SRGN: variants seen among roughly 807,000 people sequenced by gnomAD.
The protein encoded by SRGN is serglycin.
In SRGN, 2 loss-of-function variants were observed where a neutral mutation model predicts 9.5. That is an observed-to-expected ratio of 0.21 (90% confidence interval 0.09 to 0.66). The LOEUF (loss-of-function observed/expected upper bound fraction) is 0.66. Ranked by LOEUF, SRGN falls within the 30% of genes least tolerant of loss-of-function variation. SRGN has a pLI of 0.83. For synonymous variants in SRGN, 59 were observed against 72.3 expected (o/e 0.82, Z 0.93); for missense variants, 170 against 192.4 (o/e 0.88, Z 0.69).
chr10:69,091,035 C>T (rs17558195), intron 1 of SRGN, among the ~76,000 whole-genome samples: 28,672 of 152,190 alleles, frequency 0.19, 3,322 homozygotes, highest in Non-Finnish European at 0.25. Context: ...TGATCCACTC[C>T]TTGTGCTGCT....
At chr10:69,092,117 T>C (rs17558246) in intron 1 of SRGN, among the ~76,000 whole-genome samples, 28,498 of 151,696 alleles carry the variant, frequency 0.19, 3,340 homozygotes, top group Non-Finnish European at 0.25. Context: ...TAAAAACCAT[T>C]CTTTCCCTTG....
intron 1 of SRGN, among the ~76,000 whole-genome samples, chr10:69,093,521 G>C (rs1363449333): frequency 6.6e-6 from 1 of 152,206 alleles, no homozygotes; most frequent in Non-Finnish European, 1.5e-5. Flanking sequence ...CCTACAGGAA[G>C]AGACGTCTAA....
intron 1 of SRGN, among the ~76,000 whole-genome samples, chr10:69,088,939 C>A (rs935705757): frequency 2.6e-5 from 4 of 152,078 alleles, no homozygotes; most frequent in African/African-American, 9.7e-5. Context: ...ATGACTAAGA[C>A]AATGAAAATG....
At chr10:69,092,145 A>G (rs954556695) in intron 1 of SRGN, among the ~76,000 whole-genome samples, 1 of 152,064 alleles carries the variant, frequency 6.6e-6, no homozygotes, top group African/African-American at 2.4e-5. Flanking sequence ...CTACACAATT[A>G]ACCAACAAAT....
rs1840360602 is a variant in SRGN at position 69,104,536 on chromosome 10, A to T, written c.*416A>T. On this transcript the variant is annotated 3_prime_UTR_variant, in exon 3 of 3. Coordinates refer to ENST00000242465, the MANE Select transcript of SRGN (RefSeq NM_002727.4). ...CCTTTTCTTATAAAAACAAAAAAAA[A>T]AATAATGAAACACAGTGAATTTGTA... The T allele has an allele frequency of 6.4e-6, 1 of 156,870 alleles. No individual in the cohort carries two copies. Among genetic ancestry groups the T allele is most frequent in the Non-Finnish European group, 1.4e-5 (1 of 71,080 alleles). The allele number at this position is 156,870 out of a possible 1,614,324, so 9.7% of individuals were successfully genotyped here. A position where few individuals can be genotyped will look rare whatever the true frequency, so the allele number is the denominator to read the frequency against.
intron 1 of SRGN, among the ~76,000 whole-genome samples, chr10:69,093,541 A>G (rs1284809915): frequency 6.6e-6 from 1 of 152,206 alleles, no homozygotes; most frequent in African/African-American, 2.4e-5. Flanking sequence ...AGTAGCAATT[A>G]GATGCTAAAC....
At chr10:69,100,388 C>A (rs1266984907) in intron 2 of SRGN, among the ~76,000 whole-genome samples, 1 of 152,000 alleles carries the variant, frequency 6.6e-6, no homozygotes, top group African/African-American at 2.4e-5. Flanking sequence ...CAGACTAAAA[C>A]CTTGTCTCAA....
At position 69,088,117 on chromosome 10, in the gene SRGN, A is replaced by T. The variant is rs967539811; in HGVS notation, c.-41A>T. On this transcript the variant is annotated 5_prime_UTR_variant, in exon 1 of 3. It adds an upstream start codon to the 5' untranslated region. Coordinates refer to ENST00000242465, the MANE Select transcript of SRGN (RefSeq NM_002727.4). Reference sequence around the variant, plus strand: ...AGCACCCTGCTACATTTCCTAATCAAGAAGTTGGCGTGCAGCTGGGAGAGC... The same window carrying T: ...AGCACCCTGCTACATTTCCTAATCATGAAGTTGGCGTGCAGCTGGGAGAGC... 1.9e-6 allele frequency: 3 copies of T among 1,570,620 alleles called. No individual in the cohort carries two copies. The African/African-American group carries it at 4.1e-5, about 21-fold the overall frequency.
At chr10:69,089,256 T>C in intron 1 of SRGN, among the ~76,000 whole-genome samples, 1 of 152,230 alleles carries the variant, frequency 6.6e-6, no homozygotes, top group East Asian at 1.9e-4. Context: ...ATGCTAATGC[T>C]GAAAAAAGAG....
intron 1 of SRGN, among the ~76,000 whole-genome samples, chr10:69,094,398 G>GT (rs967432981): frequency 6.6e-6 from 1 of 152,064 alleles, no homozygotes; most frequent in Admixed American, 6.6e-5. Flanking sequence ...TAATGTTTAT[G>GT]TTTTTAGAGG....
chr10:69,095,891 G>A (rs1036946122), intron 1 of SRGN, among the ~76,000 whole-genome samples: 3 of 148,956 alleles, frequency 2.0e-5, no homozygotes, highest in Non-Finnish European at 3.0e-5. Context: ...CAGCCTGGGC[G>A]ACACAGCAAG....
chr10:69,097,724 G>C (rs1022492693), intron 2 of SRGN, among the ~76,000 whole-genome samples: 3 of 152,034 alleles, frequency 2.0e-5, no homozygotes, highest in Admixed American at 6.6e-5. Context: ...ACTGCGCCTG[G>C]CCTAATTTTT....
chr10:69,101,987 T>A (rs1435807961), intron 2 of SRGN, among the ~76,000 whole-genome samples: 3 of 151,900 alleles, frequency 2.0e-5, no homozygotes, highest in Non-Finnish European at 4.4e-5. Flanking sequence ...AGGGTGAGGC[T>A]GCAGTGAGCC....
intron 2 of SRGN, among the ~76,000 whole-genome samples, chr10:69,102,220 A>C (rs2805915): frequency 6.6e-6 from 1 of 151,922 alleles, no homozygotes; most frequent in African/African-American, 2.4e-5. Context: ...CTCTATCTAC[A>C]TGCTTTCTCT....
At chr10:69,091,073 T>C (rs1362296791) in intron 1 of SRGN, among the ~76,000 whole-genome samples, 2 of 152,226 alleles carry the variant, frequency 1.3e-5, no homozygotes, top group Non-Finnish European at 2.9e-5. Context: ...ACATCCATTC[T>C]CTGGTAATCA....
chr10:69,098,352 T>G (rs1327123501), intron 2 of SRGN: 1 of 152,312 alleles, frequency 6.6e-6, no homozygotes, highest in Non-Finnish European at 1.5e-5. Context: ...TGATTCCATT[T>G]AGATGAAATG....
chr10:69,093,345 A>C (rs1225356879), intron 1 of SRGN, among the ~76,000 whole-genome samples: 1 of 152,240 alleles, frequency 6.6e-6, no homozygotes, highest in Non-Finnish European at 1.5e-5. Flanking sequence ...AGGTTAAATA[A>C]AATTAATTTC....
intron 2 of SRGN, among the ~76,000 whole-genome samples, chr10:69,103,366 A>C (rs961656425): frequency 6.6e-6 from 1 of 151,948 alleles, no homozygotes; most frequent in African/African-American, 2.4e-5. Flanking sequence ...AATATGGTGA[A>C]ACTCCATCTC....
chr10:69,098,586 G>A (rs1317663118), intron 2 of SRGN: 1 of 151,938 alleles, frequency 6.6e-6, no homozygotes, highest in Non-Finnish European at 1.5e-5. Context: ...AGGCCAGCCT[G>A]GGCAACATAG....
Sources: allele counts gnomAD v4.1 joint callset (sites outside exome capture counted in the v4.1 genomes callset), GRCh38; gene constraint gnomAD v4.1.1; transcripts MANE v1.5; gene names NCBI Gene and HGNC (gene_info 2026-07-23, HGNC 2026-07-21).